The following BBS12 variants were observed in gnomAD, a reference collection of about 807,000 sequenced individuals.
The protein encoded by BBS12 is Bardet-Biedl syndrome 12, also known as chaperonin-containing T-complex member BBS12.
Under a neutral mutation model 5.6 loss-of-function variants are expected in BBS12, and 5 were observed. The ratio of observed to expected loss-of-function variants is 0.89; its 90% confidence interval spans 0.46 to 1.86. BBS12 has a LOEUF of 1.86. Ranked by LOEUF, BBS12 falls within the 40% of genes most tolerant of loss-of-function variation. The pLI is 0.01. For synonymous variants in BBS12, 308 were observed against 306.8 expected (o/e 1.00, Z -0.04); for missense variants, 748 against 830.4 (o/e 0.90, Z 1.22).
Position 122,742,050 on chromosome 4 carries a change from C to T in BBS12, c.158C>T (p.Thr53Ile). The T allele has an allele frequency of 1.2e-6, 2 of 1,614,138 alleles. No homozygotes were observed. Among genetic ancestry groups the T allele is most frequent in the Non-Finnish European group, 1.7e-6 (2 of 1,180,014 alleles). The change falls in exon 2 of 2, where the codon ACA becomes ATA. Residue 53 changes from threonine to isoleucine, a missense_variant. Physicochemically the swap from Thr to Ile is moderately conservative, Grantham distance 89. Coordinates refer to ENST00000314218, the MANE Select transcript of BBS12 (RefSeq NM_152618.3). ...ECHESVLISS[T>I]VRLLESLDLT... is the part of the protein sequence containing the mutation. Reference sequence around the variant, plus strand: ...CATGAAAGTGTATTAATCAGTTCAACAGTAAGGCTTCTTGAAAGTTTGGAT... The same window carrying T: ...CATGAAAGTGTATTAATCAGTTCAATAGTAAGGCTTCTTGAAAGTTTGGAT...
At chr4:122,707,941 T>A in the BBS12 span, among the ~76,000 whole-genome samples, 9,587 of 113,838 alleles carry the variant, frequency 0.084, 1,036 homozygotes, top group African/African-American at 0.25. Context: ...AGACACTCCT[T>A]TCCCTTCCTT....
At chr4:122,739,009 T>A (rs1800826555) in intron 1 of BBS12, among the ~76,000 whole-genome samples, 1 of 152,208 alleles carries the variant, frequency 6.6e-6, no homozygotes, top group Admixed American at 6.5e-5. Context: ...CTAAATCCAA[T>A]GACTGGTATC....
the BBS12 span, among the ~76,000 whole-genome samples, chr4:122,719,504 G>T: frequency 6.6e-6 from 1 of 151,298 alleles, no homozygotes; most frequent in African/African-American, 2.5e-5. Flanking sequence ...TCACCGTGAG[G>T]GTCTGCAGCT....
At chr4:122,717,599 G>A in the BBS12 span, among the ~76,000 whole-genome samples, 254 of 152,150 alleles carry the variant, frequency 1.7e-3, no homozygotes, top group African/African-American at 5.9e-3. Context: ...GCGTGATCAC[G>A]GCTCACTGTA....
At chr4:122,707,061 T>C in the BBS12 span, among the ~76,000 whole-genome samples, 1 of 146,132 alleles carries the variant, frequency 6.8e-6, no homozygotes, top group Admixed American at 6.8e-5. Context: ...TCTCTTTTTT[T>C]TTTTTTTTTT....
intron 1 of BBS12, among the ~76,000 whole-genome samples, chr4:122,733,371 A>AC (rs1800731383): frequency 1.1e-5 from 1 of 95,182 alleles, no homozygotes; most frequent in Non-Finnish European, 2.0e-5. Flanking sequence ...CCGCCCTCCA[A>AC]CCCCAACACA....
At chr4:122,716,494 GA>G in the BBS12 span, among the ~76,000 whole-genome samples, 17 of 126,234 alleles carry the variant, frequency 1.3e-4, no homozygotes, top group South Asian at 5.7e-4. Context: ...AATTGGATTA[GA>G]AAAAAAGTTG....
chr4:122,739,799 C>T (rs1800838898), intron 1 of BBS12, among the ~76,000 whole-genome samples: 1 of 152,226 alleles, frequency 6.6e-6, no homozygotes, highest in Admixed American at 6.5e-5. Flanking sequence ...GCTGTCTCTC[C>T]CCTACATGTT....
chr4:122,710,582 A>G, the BBS12 span, among the ~76,000 whole-genome samples: 1 of 152,218 alleles, frequency 6.6e-6, no homozygotes, highest in Non-Finnish European at 1.5e-5. Context: ...GGAAAGAAAA[A>G]GGCATGGATA....
the BBS12 span, among the ~76,000 whole-genome samples, chr4:122,713,730 AGAT>A: frequency 8.5e-5 from 13 of 152,218 alleles, no homozygotes; most frequent in Non-Finnish European, 1.3e-4. Context: ...TGGCTGTAAA[AGAT>A]GAGATTTGAT....
At chr4:122,720,510 C>T in the BBS12 span, among the ~76,000 whole-genome samples, 3 of 151,996 alleles carry the variant, frequency 2.0e-5, no homozygotes, top group African/African-American at 7.2e-5. Flanking sequence ...CAACAAAGAC[C>T]TGGAATCTAT....
At chr4:122,737,975 A>G (rs747525206) in intron 1 of BBS12, among the ~76,000 whole-genome samples, 4 of 152,220 alleles carry the variant, frequency 2.6e-5, no homozygotes, top group Non-Finnish European at 5.9e-5. Flanking sequence ...CCACATGCAA[A>G]AGAATAAAGT....
chr4:122,733,376 AACACACACACACACACACACAC>A (rs3034555), intron 1 of BBS12, among the ~76,000 whole-genome samples: 14 of 88,176 alleles, frequency 1.6e-4, no homozygotes, highest in East Asian at 7.6e-4. Flanking sequence ...CTCCAACCCC[AACACACACACACACACACACAC>A]ACACACACAC....
At chr4:122,700,572 T>G in the BBS12 span, among the ~76,000 whole-genome samples, 1 of 152,156 alleles carries the variant, frequency 6.6e-6, no homozygotes, top group Non-Finnish European at 1.5e-5. Flanking sequence ...TGTTGGTGAG[T>G]AATAAACCCT....
At chr4:122,726,992 T>C in the BBS12 span, among the ~76,000 whole-genome samples, 1 of 152,062 alleles carries the variant, frequency 6.6e-6, no homozygotes, top group Non-Finnish European at 1.5e-5. Context: ...AACTACAAAT[T>C]GGGTTCAGTG....
chr4:122,716,036 A>G, the BBS12 span, among the ~76,000 whole-genome samples: 3 of 152,216 alleles, frequency 2.0e-5, no homozygotes, highest in Non-Finnish European at 4.4e-5. Flanking sequence ...CTCAGAGGCT[A>G]TATGTGGCTC....
chr4:122,722,738 C>G, the BBS12 span, among the ~76,000 whole-genome samples: 1 of 152,138 alleles, frequency 6.6e-6, no homozygotes, highest in African/African-American at 2.4e-5. Flanking sequence ...ACCTTACTTT[C>G]AGCAATCTAT....
the BBS12 span, among the ~76,000 whole-genome samples, chr4:122,719,575 C>T: frequency 6.6e-6 from 1 of 152,136 alleles, no homozygotes; most frequent in Admixed American, 6.5e-5. Context: ...TCCGGACGCA[C>T]CACCTTTAAG....
the BBS12 span, among the ~76,000 whole-genome samples, chr4:122,716,643 ACGTG>A: frequency 0.018 from 1,325 of 74,774 alleles, 107 homozygotes; most frequent in Admixed American, 0.026. Flanking sequence ...GTATATACAC[ACGTG>A]TGTGTATATG....
Sources: gnomAD v4.1 joint callset for allele counts (sites outside exome capture counted in the v4.1 genomes callset) on GRCh38, gnomAD v4.1.1 for gene constraint, MANE v1.5 for transcripts, NCBI Gene and HGNC (gene_info 2026-07-23, HGNC 2026-07-21) for gene names.